CYYR1: variants seen among roughly 807,000 people sequenced by gnomAD.
The protein encoded by CYYR1 is cysteine and tyrosine rich 1, also known as cysteine and tyrosine-rich protein 1.
CYYR1 carries 14 observed loss-of-function variants against 15.2 expected under a neutral mutation model. That is an observed-to-expected ratio of 0.92 (90% CI 0.61 to 1.44). CYYR1 has a LOEUF of 1.44. Ranked by LOEUF, CYYR1 falls within the 40% of genes most tolerant of loss-of-function variation. CYYR1 has a pLI of 0.00. For missense variants in CYYR1, 228 were observed against 209.5 expected (o/e 1.09, Z -0.54); for synonymous variants, 80 against 77.4 (o/e 1.03, Z -0.18).
intron 3 of CYYR1, among the ~76,000 whole-genome samples, chr21:26,476,471 G>T (rs1333145870): frequency 1.3e-5 from 2 of 152,020 alleles, no homozygotes; most frequent in African/African-American, 4.8e-5. Context: ...TCTGTATGAT[G>T]GTCTTAAAAC....
intron 2 of CYYR1, among the ~76,000 whole-genome samples, chr21:26,495,128 T>C (rs947831566): frequency 2.6e-5 from 4 of 152,218 alleles, no homozygotes; most frequent in Admixed American, 1.3e-4. Flanking sequence ...CTGCAGTTAT[T>C]CACATAACTT....
chr21:26,469,999 G>C (rs111338450), intron 3 of CYYR1, among the ~76,000 whole-genome samples: 29 of 152,112 alleles, frequency 1.9e-4, no homozygotes, highest in Non-Finnish European at 1.2e-4. Flanking sequence ...GCCAGTAGCT[G>C]AATCATCATC....
chr21:26,571,463 A>T (rs1489291257), intron 1 of CYYR1, among the ~76,000 whole-genome samples: 1 of 152,218 alleles, frequency 6.6e-6, no homozygotes, highest in African/African-American at 2.4e-5. Context: ...GGGAAACAGG[A>T]GGAGGGGGCA....
chr21:26,511,459 T>G (rs916136289), intron 2 of CYYR1, among the ~76,000 whole-genome samples: 1 of 152,170 alleles, frequency 6.6e-6, no homozygotes, highest in Non-Finnish European at 1.5e-5. Context: ...TCCAATAAGA[T>G]CAGACACAAA....
At chr21:26,551,726 GT>G in intron 2 of CYYR1, 1 of 184,612 alleles carries the variant, frequency 5.4e-6, no homozygotes, top group Non-Finnish European at 1.1e-5. Context: ...CAAAAAAGTG[GT>G]TTTGTGAGAT....
chr21:26,552,555 C>G (rs930649817), intron 2 of CYYR1, among the ~76,000 whole-genome samples: 2 of 151,922 alleles, frequency 1.3e-5, no homozygotes, highest in Non-Finnish European at 2.9e-5. Flanking sequence ...TCCTTTGACT[C>G]CCCTTTTCTG....
chr21:26,493,233 T>C (rs1569146354), intron 2 of CYYR1, among the ~76,000 whole-genome samples: 1 of 152,156 alleles, frequency 6.6e-6, no homozygotes, highest in Non-Finnish European at 1.5e-5. Flanking sequence ...TTAATAATAC[T>C]GTAAAGAACT....
intron 3 of CYYR1, among the ~76,000 whole-genome samples, chr21:26,478,995 T>C (rs1246513011): frequency 1.3e-5 from 2 of 151,896 alleles, no homozygotes; most frequent in Admixed American, 1.3e-4. Flanking sequence ...CATGTCAAAT[T>C]TGGGATATTT....
At chr21:26,538,403 C>T (rs1978333012) in intron 2 of CYYR1, among the ~76,000 whole-genome samples, 1 of 151,978 alleles carries the variant, frequency 6.6e-6, no homozygotes, top group Non-Finnish European at 1.5e-5. Flanking sequence ...ATTTAATTTC[C>T]AAGAGCTCCT....
chr21:26,512,757 T>A (rs550980576), intron 2 of CYYR1, among the ~76,000 whole-genome samples: 1 of 152,286 alleles, frequency 6.6e-6, no homozygotes, highest in Admixed American at 6.5e-5. Context: ...GTTGAGTAGT[T>A]ACAACATAGA....
chr21:26,518,174 G>A (rs972662879), intron 2 of CYYR1, among the ~76,000 whole-genome samples: 2 of 152,198 alleles, frequency 1.3e-5, no homozygotes, highest in African/African-American at 4.8e-5. Flanking sequence ...GTAGAAATCA[G>A]CCGCTATGTG....
intron 2 of CYYR1, among the ~76,000 whole-genome samples, chr21:26,544,560 A>C (rs995442163): frequency 3.3e-5 from 5 of 152,224 alleles, no homozygotes; most frequent in Non-Finnish European, 4.4e-5. Context: ...TTTGACTTAC[A>C]GAACTAAATT....
chr21:26,566,208 A>T (rs1980601424), intron 2 of CYYR1, 58 bp downstream of exon 2: 4 of 1,268,284 alleles, frequency 3.2e-6, no homozygotes, highest in Non-Finnish European at 4.6e-6. Flanking sequence ...AAAAGACATA[A>T]CTGGACAACT....
At chr21:26,542,259 A>AAG (rs547776701) in intron 2 of CYYR1, among the ~76,000 whole-genome samples, 197 of 103,068 alleles carry the variant, frequency 1.9e-3, no homozygotes, top group African/African-American at 6.5e-3. Flanking sequence ...GGGAGAGAGA[A>AAG]AGAGAGAGAG....
At chr21:26,524,196 A>G (rs1046907063) in intron 2 of CYYR1, among the ~76,000 whole-genome samples, 19 of 152,166 alleles carry the variant, frequency 1.2e-4, no homozygotes, top group Non-Finnish European at 2.1e-4. Flanking sequence ...CCATGTAGGT[A>G]TATGTATTTA....
At chr21:26,480,196 A>C (rs1399299532) in intron 3 of CYYR1, 76 bp downstream of exon 3, 1 of 1,415,036 alleles carries the variant, frequency 7.1e-7, no homozygotes, top group Non-Finnish European at 9.5e-7. Context: ...GACCATCTAG[A>C]ATGTTTCCTT....
At chr21:26,495,561 G>A (rs938397099) in intron 2 of CYYR1, among the ~76,000 whole-genome samples, 1 of 152,074 alleles carries the variant, frequency 6.6e-6, no homozygotes, top group African/African-American at 2.4e-5. Flanking sequence ...ACAAAGACCT[G>A]TTTCCACTTC....
intron 2 of CYYR1, among the ~76,000 whole-genome samples, chr21:26,555,852 C>T (rs1437405739): frequency 5.6e-4 from 85 of 152,110 alleles, no homozygotes; most frequent in Admixed American, 5.6e-3. Context: ...ATAAAAATCA[C>T]TGGGTGTGTG....
At chr21:26,521,858 G>T (rs1251221385) in intron 2 of CYYR1, among the ~76,000 whole-genome samples, 1 of 152,310 alleles carries the variant, frequency 6.6e-6, no homozygotes, top group South Asian at 2.1e-4. Context: ...TTCTTTATCA[G>T]TCAAAGGTAG....
Sources: gnomAD v4.1 joint callset for allele counts (sites outside exome capture counted in the v4.1 genomes callset) on GRCh38, gnomAD v4.1.1 for gene constraint, MANE v1.5 for transcripts, NCBI Gene and HGNC (gene_info 2026-07-23, HGNC 2026-07-21) for gene names.